The following RAPGEF6 variants were observed in gnomAD, a reference collection of about 807,000 sequenced individuals.
RAPGEF6 encodes the protein PDZ domain containing guanine nucleotide exchange factor (GEF) 2.
A neutral mutation model predicts 171.4 loss-of-function variants in RAPGEF6; 56 were observed. That is an observed-to-expected ratio of 0.33 (90% CI 0.26 to 0.41). The LOEUF (loss-of-function observed/expected upper bound fraction) is 0.41. RAPGEF6 is among the 10% of genes least tolerant of loss of function. The pLI is 1.00. For synonymous variants in RAPGEF6, 692 were observed against 650.1 expected, an observed-to-expected ratio of 1.06 and a Z score of -0.98; for missense variants, 1,674 against 1,921.4, an observed-to-expected ratio of 0.87 and a Z score of 2.41.
At chr5:131,436,366 G>A in intron 24 of RAPGEF6, 3 of 1,537,416 alleles carry the variant, frequency 2.0e-6, no homozygotes, top group South Asian at 1.2e-5. Flanking sequence ...GCTGTGATCA[G>A]ATATGATACT....
At chr5:131,604,121 C>T (rs1310103609) in intron 2 of RAPGEF6, among the ~76,000 whole-genome samples, 1 of 152,052 alleles carries the variant, frequency 6.6e-6, no homozygotes, top group East Asian at 1.9e-4. Flanking sequence ...AATCAAGATT[C>T]CTGCTCCTTT....
intron 1 of RAPGEF6, among the ~76,000 whole-genome samples, chr5:131,610,261 C>A (rs1432264715): frequency 1.3e-5 from 2 of 152,124 alleles, no homozygotes; most frequent in African/African-American, 4.8e-5. Flanking sequence ...ATGGACTCTG[C>A]ATGTTTGCAG....
At chr5:131,527,964 G>A (rs951301575) in intron 6 of RAPGEF6, among the ~76,000 whole-genome samples, 3 of 148,556 alleles carry the variant, frequency 2.0e-5, no homozygotes, top group Admixed American at 6.8e-5. Context: ...GCAGTGAGCC[G>A]AAACTGCGCC....
chr5:131,433,718 T>C (rs1326461155), intron 24 of RAPGEF6, 60 bp from the exon 25 acceptor site: 68 of 1,265,076 alleles, frequency 5.4e-5, no homozygotes, highest in Non-Finnish European at 7.3e-5. Context: ...GTGGGGGTAG[T>C]AGGGGAAAGG....
At chr5:131,431,458 T>C in intron 25 of RAPGEF6, 109 bp from the exon 26 acceptor site, 2 of 1,193,174 alleles carry the variant, frequency 1.7e-6, no homozygotes, top group Non-Finnish European at 2.3e-6. Flanking sequence ...ACCACAAGTG[T>C]TCATGCCAAA....
At chr5:131,530,397 T>G (rs545290659) in intron 6 of RAPGEF6, among the ~76,000 whole-genome samples, 3 of 152,266 alleles carry the variant, frequency 2.0e-5, no homozygotes, top group Admixed American at 2.0e-4. Context: ...AGTAGAACCA[T>G]GCTAATACGA....
intron 4 of RAPGEF6, among the ~76,000 whole-genome samples, chr5:131,581,844 T>G (rs1207802681): frequency 6.6e-6 from 1 of 152,140 alleles, no homozygotes; most frequent in African/African-American, 2.4e-5. Flanking sequence ...CTTGTGAATG[T>G]ACTTTGTAAC....
intron 15 of RAPGEF6, among the ~76,000 whole-genome samples, chr5:131,483,003 G>T (rs531747904): frequency 6.6e-6 from 1 of 152,274 alleles, no homozygotes; most frequent in South Asian, 2.1e-4. Context: ...AAACTTTGAA[G>T]GGGCGATTTC....
At chr5:131,512,944 G>A (rs1757836554) in intron 7 of RAPGEF6, among the ~76,000 whole-genome samples, 1 of 152,092 alleles carries the variant, frequency 6.6e-6, no homozygotes, top group South Asian at 2.1e-4. Flanking sequence ...CAAGAATAGT[G>A]AGAAATAAAT....
chr5:131,453,784 T>C (rs375216411), intron 20 of RAPGEF6, among the ~76,000 whole-genome samples: 38 of 152,268 alleles, frequency 2.5e-4, no homozygotes, highest in African/African-American at 7.5e-4. Context: ...CACGTATAGA[T>C]TGGACACATG....
At position 131,455,975 on chromosome 5, in the gene RAPGEF6, T is replaced by A. The variant is rs1250828433; in HGVS notation, c.2902A>T (p.Thr968Ser). ...NLASVARLRG[T>S]WEKLPSKYEK... Reference sequence around the variant, plus strand: ...TATTTGCTTGGTAACTTTTCCCAAGTTCCTCTGAGTCTTGCTACAGATGCC... The same window carrying A: ...TATTTGCTTGGTAACTTTTCCCAAGATCCTCTGAGTCTTGCTACAGATGCC... The change falls in exon 20 of 28, where the codon ACT (threonine) becomes TCT (serine). Residue 968 changes from threonine to serine, a missense_variant. Coordinates refer to ENST00000509018, the MANE Select transcript of RAPGEF6 (RefSeq NM_016340.6). The A allele has an allele frequency of 1.2e-6, 2 of 1,614,086 alleles. No individual in the cohort carries two copies. Among genetic ancestry groups the A allele is most frequent in the Non-Finnish European group, 8.5e-7 (1 of 1,180,002 alleles).
intron 4 of RAPGEF6, among the ~76,000 whole-genome samples, chr5:131,578,352 C>G (rs1762726639): frequency 6.6e-6 from 1 of 152,126 alleles, no homozygotes; most frequent in Admixed American, 6.5e-5. Flanking sequence ...CCCTTTCTTC[C>G]TGCTCTTACA....
chr5:131,442,864 T>C (rs1379969125), intron 22 of RAPGEF6, among the ~76,000 whole-genome samples: 4 of 152,130 alleles, frequency 2.6e-5, no homozygotes, highest in African/African-American at 7.2e-5. Flanking sequence ...CTTGGCTTAC[T>C]GCAACCTCCA....
At chr5:131,628,521 AG>A (rs1766089808) in intron 1 of RAPGEF6, among the ~76,000 whole-genome samples, 1 of 152,210 alleles carries the variant, frequency 6.6e-6, no homozygotes, top group African/African-American at 2.4e-5. Flanking sequence ...TAACATAAAA[AG>A]TAAGTTATCC....
At chr5:131,462,227 A>C in intron 18 of RAPGEF6, 139 bp from the exon 19 acceptor site, 8 of 802,440 alleles carry the variant, frequency 1.0e-5, no homozygotes, top group Non-Finnish European at 1.4e-5. Context: ...ATAAAATGAA[A>C]AGTTAACATT....
At chr5:131,498,409 T>A (rs1580921231) in intron 12 of RAPGEF6, 34 bp downstream of exon 12, 1 of 1,547,244 alleles carries the variant, frequency 6.5e-7, no homozygotes, top group East Asian at 2.3e-5. Flanking sequence ...AAATTTTGGG[T>A]TAAAATCACT....
At chr5:131,473,399 T>G (rs1754886737) in intron 16 of RAPGEF6, among the ~76,000 whole-genome samples, 1 of 152,142 alleles carries the variant, frequency 6.6e-6, no homozygotes. Context: ...ATTTTAGAAA[T>G]GTGACATAGG....
chr5:131,578,983 C>T (rs1762766155), intron 4 of RAPGEF6, among the ~76,000 whole-genome samples: 1 of 152,126 alleles, frequency 6.6e-6, no homozygotes, highest in Admixed American at 6.5e-5. Flanking sequence ...AAGCCGCGGA[C>T]CCTCGTAGTG....
At chr5:131,495,164 G>A (rs182516762) in intron 13 of RAPGEF6, among the ~76,000 whole-genome samples, 5 of 151,908 alleles carry the variant, frequency 3.3e-5, no homozygotes, top group African/African-American at 9.7e-5. Context: ...GTGGTGGTGC[G>A]CGTCTGAAGT....
Sources: allele counts gnomAD v4.1 joint callset (sites outside exome capture counted in the v4.1 genomes callset), GRCh38; gene constraint gnomAD v4.1.1; transcripts MANE v1.5; gene names NCBI Gene and HGNC (gene_info 2026-07-23, HGNC 2026-07-21).